The following CNOT4 variants were observed in gnomAD, a reference collection of about 807,000 sequenced individuals.
The protein encoded by CNOT4 is CCR4-NOT transcription complex subunit 4.
CNOT4 carries 8 observed loss-of-function variants against 73.8 expected under a neutral mutation model. The ratio of observed to expected loss-of-function variants is 0.11; its 90% CI spans 0.06 to 0.20. The LOEUF (loss-of-function observed/expected upper bound fraction) is 0.20. CNOT4 is among the 10% of genes least tolerant of loss of function. The pLI is 1.00. For missense variants in CNOT4, 564 were observed against 883.4 expected (o/e 0.64, Z 4.58); for synonymous variants, 293 against 321.1 (o/e 0.91, Z 0.94).
intron 2 of CNOT4, among the ~76,000 whole-genome samples, chr7:135,424,596 C>A (rs989893536): frequency 1.3e-5 from 2 of 151,934 alleles, no homozygotes; most frequent in Non-Finnish European, 2.9e-5. Flanking sequence ...ACCAGCCTGG[C>A]CAACATGGTA....
chr7:135,472,018 C>G (rs1352601686), intron 1 of CNOT4, among the ~76,000 whole-genome samples: 3 of 151,758 alleles, frequency 2.0e-5, no homozygotes, highest in African/African-American at 7.3e-5. Flanking sequence ...ACTAAAAATA[C>G]AAAAATTAGC....
intron 3 of CNOT4, among the ~76,000 whole-genome samples, chr7:135,419,852 A>C (rs925567743): frequency 4.6e-5 from 7 of 150,940 alleles, no homozygotes; most frequent in African/African-American, 1.7e-4. Context: ...AGACCAGCCT[A>C]GTCAACATGG....
chr7:135,401,337 T>A (rs995416416), intron 7 of CNOT4, among the ~76,000 whole-genome samples: 1 of 152,256 alleles, frequency 6.6e-6, no homozygotes, highest in Non-Finnish European at 1.5e-5. Flanking sequence ...ATACCAGATT[T>A]ACTCATGAAG....
intron 1 of CNOT4, among the ~76,000 whole-genome samples, chr7:135,488,554 T>C (rs1466205978): frequency 1.3e-5 from 2 of 152,018 alleles, no homozygotes; most frequent in South Asian, 2.1e-4. Flanking sequence ...TAGTGGCTGT[T>C]AGAGTCTAAG....
chr7:135,370,158 G>A (rs1227304159), intron 10 of CNOT4, among the ~76,000 whole-genome samples: 1 of 152,052 alleles, frequency 6.6e-6, no homozygotes, highest in Non-Finnish European at 1.5e-5. Context: ...ACTCCACTAG[G>A]TCACAGACAA....
chr7:135,430,430 T>C (rs1798744759), intron 2 of CNOT4, among the ~76,000 whole-genome samples: 2 of 152,000 alleles, frequency 1.3e-5, no homozygotes. Flanking sequence ...CTGAGGGCAG[T>C]AGTTCAAGAC....
intron 1 of CNOT4, among the ~76,000 whole-genome samples, chr7:135,481,636 T>C (rs2129487254): frequency 6.6e-6 from 1 of 152,342 alleles, no homozygotes; most frequent in South Asian, 2.1e-4. Flanking sequence ...AAGGGATACC[T>C]GCACTCATGT....
intron 1 of CNOT4, among the ~76,000 whole-genome samples, chr7:135,484,338 A>C (rs527579845): frequency 2.6e-5 from 4 of 152,330 alleles, no homozygotes; most frequent in African/African-American, 9.6e-5. Context: ...ATAAAAGGCA[A>C]ACAGACTAGA....
intron 1 of CNOT4, among the ~76,000 whole-genome samples, chr7:135,482,986 C>CAAAAA (rs36125617): frequency 1.7e-3 from 73 of 43,240 alleles, no homozygotes; most frequent in African/African-American, 2.5e-3. Context: ...GACTCCATAT[C>CAAAAA]AAAAAAAAAA....
chr7:135,406,827 T>C (rs908196147), intron 7 of CNOT4, among the ~76,000 whole-genome samples: 8 of 152,106 alleles, frequency 5.3e-5, no homozygotes, highest in Non-Finnish European at 1.2e-4. Context: ...ATGTGCTCTA[T>C]GGACTACCTG....
chr7:135,390,823 A>G (rs1796362013), intron 10 of CNOT4, among the ~76,000 whole-genome samples: 1 of 152,148 alleles, frequency 6.6e-6, no homozygotes, highest in African/African-American at 2.4e-5. Context: ...GTCAGAGACC[A>G]TATTTTGCTC....
At chr7:135,400,280 C>T (rs1034709139) in intron 7 of CNOT4, among the ~76,000 whole-genome samples, 1 of 151,950 alleles carries the variant, frequency 6.6e-6, no homozygotes, top group East Asian at 1.9e-4. Flanking sequence ...AGGTTAGGCT[C>T]CATAGGCCAC....
rs1367179166 is a variant in CNOT4, at chr7:135,394,225, AGAG to A, written c.1317_1319del (p.Ser441del). On this transcript the variant is annotated inframe_deletion, in exon 10 of 12. Transcript: ENST00000541284. ...GACCTTTGGCGGTTGTAGTGTGTGA[AGAG>A]GAGTTCTGAAGAGATGTGGGCGAAA... 2.5e-6 allele frequency: 4 copies of A among 1,614,066 alleles called. No individual in the cohort carries two copies. Among genetic ancestry groups the A allele is most frequent in the Admixed American group, 1.7e-5 (1 of 59,996 alleles).
At chr7:135,474,466 G>A (rs961868734) in intron 1 of CNOT4, among the ~76,000 whole-genome samples, 1 of 151,162 alleles carries the variant, frequency 6.6e-6, no homozygotes, top group Non-Finnish European at 1.5e-5. Context: ...TAGTAGAGAT[G>A]GGGTTTCATC....
Position 135,444,511 on chromosome 7 carries a change from T to C in CNOT4, c.-92-6088A>G, listed in dbSNP as rs560710692. 72 of 968,712 alleles carry C rather than the reference T, an allele frequency of 7.4e-5. No homozygotes were observed. The South Asian group carries it at 8.9e-4, about 12-fold the overall frequency. The allele number at this position is 968,712 out of a possible 1,614,324, so 60.0% of individuals were successfully genotyped here. A position where few individuals can be genotyped will look rare whatever the true frequency, so the allele number is the denominator to read the frequency against. On this transcript the variant is annotated intron_variant, in intron 1 of 11. Transcript: ENST00000541284. The stretch of plus-strand genomic sequence containing the variant: ...AGTGCCCAAGGAGGTCGAGCTCTGT[T>C]GCTGTGAACGCCAGTGGTCAGACCT...
chr7:135,456,151 C>A (rs770605558), intron 1 of CNOT4, among the ~76,000 whole-genome samples: 1 of 152,198 alleles, frequency 6.6e-6, no homozygotes, highest in Non-Finnish European at 1.5e-5. Context: ...ACAGGCTATA[C>A]ACAAATGAGT....
chr7:135,463,544 CA>C (rs34696755), intron 1 of CNOT4, among the ~76,000 whole-genome samples: 47,052 of 103,562 alleles, frequency 0.45, 8,386 homozygotes, highest in African/African-American at 0.56. Flanking sequence ...TCCCCCCACC[CA>C]AAAAAAAAAA....
intron 10 of CNOT4, chr7:135,387,210 A>C: frequency 1.0e-6 from 1 of 984,612 alleles, no homozygotes; most frequent in Non-Finnish European, 1.2e-6. Context: ...ATGTTCTTGT[A>C]ATGTCTTAAA....
chr7:135,395,577 T>C (rs983706497), intron 9 of CNOT4, 57 bp downstream of exon 9: 13 of 1,531,706 alleles, frequency 8.5e-6, no homozygotes, highest in Admixed American at 7.8e-5. Context: ...TTCATGTTAG[T>C]CTGTCAACAA....
Sources: allele counts gnomAD v4.1 joint callset (sites outside exome capture counted in the v4.1 genomes callset), GRCh38; gene constraint gnomAD v4.1.1; transcripts MANE v1.5; gene names NCBI Gene and HGNC (gene_info 2026-07-23, HGNC 2026-07-21).